Variants in CHMP5 observed in about 807,000 individuals in gnomAD.
The protein encoded by CHMP5 is charged multivesicular body protein 5, also known as SNF7 domain containing 2.
In CHMP5, 17 loss-of-function variants were observed where a neutral mutation model predicts 33.0. The ratio of observed to expected loss-of-function variants is 0.52; its 90% CI spans 0.35 to 0.77. The LOEUF is 0.77. Ranked by LOEUF, CHMP5 falls within the 30% of genes least tolerant of loss-of-function variation. The pLI, the probability that CHMP5 is intolerant of heterozygous loss-of-function variation, is 0.01. For missense variants in CHMP5, 216 were observed against 261.5 expected, an observed-to-expected ratio of 0.83 and a Z score of 1.20; for synonymous variants, 76 against 90.2, an observed-to-expected ratio of 0.84 and a Z score of 0.89.
chr9:33,265,197 A>ACCCCCCCCCCCCC, intron 1 of CHMP5, 50 bp downstream of exon 1: 1 of 1,472,452 alleles, frequency 6.8e-7, no homozygotes, highest in Non-Finnish European at 9.2e-7. Flanking sequence ...GACACACCCG[A>ACCCCCCCCCCCCC]CCCCGCCCAC....
chr9:33,278,337 C>A, intron 7 of CHMP5, 112 bp downstream of exon 7: 1 of 674,380 alleles, frequency 1.5e-6, no homozygotes, highest in Non-Finnish European at 2.5e-6. Flanking sequence ...GAAAGACAGT[C>A]CTGGTCATTA....
At chr9:33,273,064 G>T (rs894965504) in intron 5 of CHMP5, among the ~76,000 whole-genome samples, 1 of 152,078 alleles carries the variant, frequency 6.6e-6, no homozygotes, top group African/African-American at 2.4e-5. Flanking sequence ...CCGCCTCCTG[G>T]GTTCAAGCAA....
intron 6 of CHMP5, 92 bp from the exon 7 acceptor site, chr9:33,278,021 C>T (rs1163423779): frequency 3.9e-6 from 3 of 777,856 alleles, no homozygotes; most frequent in Non-Finnish European, 6.6e-6. Flanking sequence ...TCTTCACTGC[C>T]TTCTTTCAAG....
intron 5 of CHMP5, among the ~76,000 whole-genome samples, chr9:33,274,719 G>A (rs1365288133): frequency 1.3e-5 from 2 of 152,102 alleles, no homozygotes; most frequent in Non-Finnish European, 2.9e-5. Context: ...GGGTTCAAAC[G>A]ATTTTCCTGC....
At position 33,265,118 on chromosome 9, in the gene CHMP5, C is replaced by T. The variant is rs761137293; in HGVS notation, c.40C>T (p.Pro14Ser). The change falls in exon 1 of 8, where the codon CCG becomes TCG. Residue 14 changes from proline to serine, a missense_variant. Physicochemically the swap from Pro to Ser is moderately conservative, Grantham distance 74. Transcript: ENST00000223500. Reference protein sequence around the residue: ...LFGKAKPKAPPPSLTDCIGTV... With the variant: ...LFGKAKPKAPSPSLTDCIGTV... ...CGGGAAAGCGAAACCCAAGGCTCCG[C>T]CGCCCAGCCTGACTGACTGCATTGG... 6.2e-7 allele frequency: 1 copy of T among 1,614,214 alleles called. No individual in the cohort carries two copies. The highest frequency in any genetic ancestry group is 8.5e-7 in the Non-Finnish European group (1 of 1,180,030).
At chr9:33,266,986 G>A (rs572520325) in intron 2 of CHMP5, among the ~76,000 whole-genome samples, 1 of 152,306 alleles carries the variant, frequency 6.6e-6, no homozygotes, top group South Asian at 2.1e-4. Context: ...AACCATGTGA[G>A]CCTGGGTATC....
intron 5 of CHMP5, among the ~76,000 whole-genome samples, chr9:33,274,074 G>C (rs1036095984): frequency 6.6e-6 from 1 of 151,798 alleles, no homozygotes; most frequent in African/African-American, 2.4e-5. Context: ...CCTTTATGGG[G>C]GCCAGGAAGG....
intron 3 of CHMP5, among the ~76,000 whole-genome samples, chr9:33,269,218 C>T (rs1005402995): frequency 6.6e-6 from 1 of 152,118 alleles, no homozygotes; most frequent in Non-Finnish European, 1.5e-5. Flanking sequence ...TAATAAAACA[C>T]CTGGGGCTGG....
chr9:33,267,995 C>T, intron 3 of CHMP5, 96 bp downstream of exon 3: 1 of 829,016 alleles, frequency 1.2e-6, no homozygotes, highest in Non-Finnish European at 2.0e-6. Flanking sequence ...TCTAAGCACT[C>T]TTGATTTAAT....
At chr9:33,265,310 A>G (rs1820698057) in intron 1 of CHMP5, among the ~76,000 whole-genome samples, 163 bp downstream of exon 1, 1 of 151,490 alleles carries the variant, frequency 6.6e-6, no homozygotes, top group Admixed American at 6.6e-5. Context: ...CTGTTACCCA[A>G]GTCATTCCTA....
rs1431864270 is a variant in CHMP5 at position 33,281,697 on chromosome 9, G to A, written c.*838G>A. Reference sequence around the variant, plus strand: ...GGGTCTACCATTTACTAACTACTGAGTAGTCTATTCAACCTCTCTAACCTT... The same window carrying A: ...GGGTCTACCATTTACTAACTACTGAATAGTCTATTCAACCTCTCTAACCTT... On this transcript the variant is annotated 3_prime_UTR_variant, in exon 8 of 8. Transcript: ENST00000223500. 2.0e-5 allele frequency: 3 copies of A among 152,186 alleles called. No individual in the cohort carries two copies. In the East Asian group the frequency reaches 5.8e-4, roughly 29 times the overall value. The allele number at this position is 152,186 out of a possible 1,614,324, so 9.4% of individuals were successfully genotyped here.
rs565163680 is a variant in CHMP5 at position 33,272,243 on chromosome 9, C to T, written c.387+1020C>T. ...ATAAAATGGCGCTCTTGACCTTTAC[C>T]CCCCTGACTAGAATGTCCATTTCCT... On this transcript the variant is annotated intron_variant, in intron 5 of 7. Transcript: ENST00000223500. Among the ~76,000 whole-genome samples the T allele has an allele frequency of 3.9e-4, 59 of 152,004 alleles. 1 individual carries two copies. The highest frequency in any genetic ancestry group is 4.4e-4 in the Non-Finnish European group (30 of 67,996).
intron 2 of CHMP5, among the ~76,000 whole-genome samples, 168 bp from the exon 3 acceptor site, chr9:33,267,685 C>T (rs1374963093): frequency 6.6e-6 from 1 of 152,042 alleles, no homozygotes; most frequent in East Asian, 1.9e-4. Flanking sequence ...AAGACTGGAC[C>T]TTAGAGATAC....
intron 7 of CHMP5, among the ~76,000 whole-genome samples, chr9:33,279,576 T>C (rs1820896884): frequency 6.6e-6 from 1 of 152,070 alleles, no homozygotes; most frequent in African/African-American, 2.4e-5. Context: ...AACAAGTCCC[T>C]GTAGCGGCCA....
chr9:33,268,406 G>C (rs777068135), intron 3 of CHMP5, among the ~76,000 whole-genome samples: 47 of 152,172 alleles, frequency 3.1e-4, no homozygotes, highest in Admixed American at 3.9e-4. Flanking sequence ...AGGTGACTAT[G>C]TCCCAATTTT....
rs1820927398 is a variant in CHMP5 at position 33,282,004 on chromosome 9, C to A, written c.*1145C>A. On this transcript the variant is annotated 3_prime_UTR_variant, in exon 8 of 8. Transcript: ENST00000223500. Reference sequence around the variant, plus strand: ...GCCCCTCCAGCCTAGCTGGGTGCCTCACAGTGCTATGTGCACCTGACTCTC... The same window carrying A: ...GCCCCTCCAGCCTAGCTGGGTGCCTAACAGTGCTATGTGCACCTGACTCTC... The A allele has an allele frequency of 6.6e-6, 1 of 152,224 alleles. No individual in the cohort carries two copies. The highest frequency in any genetic ancestry group is 6.5e-5 in the Admixed American group (1 of 15,282). 9.4% of individuals were successfully genotyped at this position (152,224 alleles called of 1,614,324 possible).
At chr9:33,278,677 G>A (rs1027238098) in intron 7 of CHMP5, among the ~76,000 whole-genome samples, 1 of 151,550 alleles carries the variant, frequency 6.6e-6, no homozygotes, top group African/African-American at 2.4e-5. Flanking sequence ...TTTAGAATGG[G>A]TGGATTTTCT....
intron 7 of CHMP5, 143 bp downstream of exon 7, chr9:33,278,368 C>T: frequency 1.7e-6 from 1 of 584,844 alleles, no homozygotes; most frequent in African/African-American, 1.9e-5. Flanking sequence ...CCTTGAAGGT[C>T]CGGTTTTTCT....
At chr9:33,277,177 T>G (rs1487626243) in intron 6 of CHMP5, among the ~76,000 whole-genome samples, 1 of 121,358 alleles carries the variant, frequency 8.2e-6, no homozygotes, top group Non-Finnish European at 1.6e-5. Context: ...GGCAACAGAG[T>G]GAGACCTTCT....
Sources: allele counts gnomAD v4.1 joint callset (sites outside exome capture counted in the v4.1 genomes callset), GRCh38; gene constraint gnomAD v4.1.1; transcripts MANE v1.5; gene names NCBI Gene and HGNC (gene_info 2026-07-23, HGNC 2026-07-21).